RP1: variants seen among roughly 807,000 people sequenced by gnomAD.
RP1 encodes oxygen-regulated protein 1.
In RP1, 16 loss-of-function variants were observed where a neutral mutation model predicts 14.8. The observed-to-expected ratio is 1.08, with a 90% confidence interval of 0.73 to 1.65. RP1 has a LOEUF of 1.65. Among genes scored for constraint, RP1 ranks in the 40% most tolerant of loss-of-function variants. RP1 has a pLI of 0.00. For missense variants in RP1, 2,631 were observed against 2,535.0 expected (o/e 1.04, Z -0.81); for synonymous variants, 876 against 883.6 (o/e 0.99, Z 0.15).
intron 1 of RP1, among the ~76,000 whole-genome samples, chr8:54,567,163 T>C (rs1804427198): frequency 6.6e-6 from 1 of 152,218 alleles, no homozygotes; most frequent in Non-Finnish European, 1.5e-5. Flanking sequence ...AGAAAACTTT[T>C]AAAAGAAAAA....
At chr8:54,807,245 G>C (rs1290478251) in intron 24 of RP1, among the ~76,000 whole-genome samples, 2 of 152,198 alleles carry the variant, frequency 1.3e-5, no homozygotes, top group East Asian at 3.8e-4. Flanking sequence ...TTGAACTAGA[G>C]ACTGAAGTAG....
chr8:54,761,210 CCAT>C (rs1476468285), intron 22 of RP1, among the ~76,000 whole-genome samples: 1 of 150,566 alleles, frequency 6.6e-6, no homozygotes, highest in Non-Finnish European at 1.5e-5. Context: ...ACATCGTCAC[CCAT>C]CATTTCTTGC....
intron 22 of RP1, among the ~76,000 whole-genome samples, chr8:54,760,852 T>C (rs1000691006): frequency 6.6e-6 from 1 of 152,206 alleles, no homozygotes; most frequent in African/African-American, 2.4e-5. Context: ...TAGTATGACT[T>C]AATTGGCCAA....
chr8:54,786,095 T>C (rs1810311782), intron 24 of RP1, among the ~76,000 whole-genome samples: 1 of 152,098 alleles, frequency 6.6e-6, no homozygotes, highest in South Asian at 2.1e-4. Flanking sequence ...ACCTTTTAAC[T>C]TCCTTGCTGG....
At chr8:54,637,600 G>A (rs1806376624) in intron 3 of RP1, among the ~76,000 whole-genome samples, 1 of 151,738 alleles carries the variant, frequency 6.6e-6, no homozygotes, top group Non-Finnish European at 1.5e-5. Context: ...GTTTATTTCT[G>A]TATTTAGAGA....
intron 24 of RP1, among the ~76,000 whole-genome samples, chr8:54,833,478 A>G (rs1660308731): frequency 6.6e-6 from 1 of 151,998 alleles, no homozygotes; most frequent in African/African-American, 2.4e-5. Flanking sequence ...AAAAGTGGAA[A>G]CTACATGAAG....
In RP1 at chr8:54,625,747, C is replaced by T; in HGVS notation, c.1865C>T (p.Thr622Ile). 2 of 1,613,848 alleles carry T rather than the reference C, an allele frequency of 1.2e-6. No homozygotes were observed. The highest frequency in any genetic ancestry group is 1.7e-4 in the Middle Eastern group (1 of 6,060). ...CATTTTTCAAGTAATAACTCTGGAA[C>T]TGACAAAAATATTTCTGAGGCTCCA... ...ATHFSSNNSGTDKNISEAPAS... is the reference protein window; with the variant it reads ...ATHFSSNNSGIDKNISEAPAS... The change falls in exon 4 of 4, where the codon ACT becomes ATT. Residue 622 changes from threonine (T) to isoleucine (I), a missense_variant. Thr to Ile is a moderately conservative substitution (Grantham distance 89). Coordinates refer to ENST00000220676, the MANE Select transcript of RP1 (RefSeq NM_006269.2).
At chr8:54,781,142 T>A (rs1033881047) in intron 23 of RP1, 2 of 523,474 alleles carry the variant, frequency 3.8e-6, no homozygotes, top group South Asian at 1.7e-4. Flanking sequence ...ATTGCTATAG[T>A]ATCTCCCCCA....
At chr8:54,726,342 C>T (rs1808653291) in intron 16 of RP1, 6 of 1,517,402 alleles carry the variant, frequency 4.0e-6, no homozygotes, top group Non-Finnish European at 5.3e-6. Context: ...ATCTTAATTT[C>T]AGTTGGCAGA....
At chr8:54,869,673 G>A (rs575537591) in intron 28 of RP1, among the ~76,000 whole-genome samples, 43 of 152,262 alleles carry the variant, frequency 2.8e-4, no homozygotes, top group African/African-American at 9.6e-4. Flanking sequence ...TGCCGAAGCT[G>A]GACTGCTAAA....
chr8:54,688,034 G>C (rs1168548606), intron 12 of RP1, among the ~76,000 whole-genome samples: 2 of 152,162 alleles, frequency 1.3e-5, no homozygotes, highest in Non-Finnish European at 2.9e-5. Flanking sequence ...TCTCATTGTG[G>C]TTTTGATTTG....
chr8:54,713,297 A>G (rs543165297), intron 15 of RP1, among the ~76,000 whole-genome samples: 1 of 152,370 alleles, frequency 6.6e-6, no homozygotes, highest in African/African-American at 2.4e-5. Flanking sequence ...AATTCAGGTT[A>G]GTAACAAACA....
intron 24 of RP1, among the ~76,000 whole-genome samples, chr8:54,825,957 A>T (rs1563388242): frequency 6.6e-6 from 1 of 152,034 alleles, no homozygotes; most frequent in Non-Finnish European, 1.5e-5. Flanking sequence ...AGTCCTCGTT[A>T]CTTGGGAGGC....
rs1043235694 is a variant in RP1, at chr8:54,627,199, T to A, written c.3317T>A (p.Val1106Asp). Residue 1106 changes from valine (V) to aspartate (D), a missense_variant, in exon 4 of 4, where the codon GTT becomes GAT. Val to Asp is a radical substitution (Grantham distance 152, BLOSUM62 -3). Transcript: ENST00000220676. Reference sequence around the variant, plus strand: ...ATTCACAAGACTCAGAATGGAGTTGTTCAAATGCCAGGTTCACTTGCAGGT... The same window carrying A: ...ATTCACAAGACTCAGAATGGAGTTGATCAAATGCCAGGTTCACTTGCAGGT... ...PGIHKTQNGV[V>D]QMPGSLAGVP... The A allele has an allele frequency of 5.6e-6, 9 of 1,614,076 alleles. No homozygotes were observed. Among genetic ancestry groups the A allele is most frequent in the Non-Finnish European group, 7.6e-6 (9 of 1,179,988 alleles).
At chr8:54,611,466 A>G (rs1049383486), upstream of RP1, among the ~76,000 whole-genome samples, 3 of 151,964 alleles carry the variant, frequency 2.0e-5, no homozygotes, top group African/African-American at 7.2e-5. Flanking sequence ...TTGCTGCTCA[A>G]ATTTGTTTTT....
intron 12 of RP1, chr8:54,696,402 C>T (rs1049349208): frequency 4.3e-5 from 29 of 671,952 alleles, no homozygotes; most frequent in Middle Eastern, 8.8e-4. Flanking sequence ...AGAAAGATGG[C>T]GGAGCAAGAG....
chr8:54,596,496 A>G (rs1349302742), intron 1 of RP1, among the ~76,000 whole-genome samples: 1 of 152,214 alleles, frequency 6.6e-6, no homozygotes, highest in Non-Finnish European at 1.5e-5. Flanking sequence ...TTTCCAATAT[A>G]AGATTAATAA....
intron 6 of RP1, chr8:54,663,575 G>T (rs373690539): frequency 5.9e-6 from 5 of 853,942 alleles, no homozygotes; most frequent in African/African-American, 3.5e-5. Flanking sequence ...TACTGCCTGT[G>T]GTTTCTGGCA....
In RP1 at chr8:54,625,409, ATCAGTATCT is replaced by A. The variant is rs761752248; in HGVS notation, c.1528_1536del (p.Ser510_Ser512del). 2 of 1,614,058 alleles carry A rather than the reference ATCAGTATCT, an allele frequency of 1.2e-6. No homozygotes were observed. Among genetic ancestry groups the A allele is most frequent in the South Asian group, 2.2e-5 (2 of 91,074 alleles). ...TTACACATTCTTGCAGTAAAATGTC[ATCAGTATCT>A]AACAAACCAGTACTTGTTCAGATCA... On this transcript the variant is annotated inframe_deletion, in exon 4 of 4. Coordinates refer to ENST00000220676, the MANE Select transcript of RP1 (RefSeq NM_006269.2).
Sources: allele counts gnomAD v4.1 joint callset (sites outside exome capture counted in the v4.1 genomes callset), GRCh38; gene constraint gnomAD v4.1.1; transcripts MANE v1.5; gene names NCBI Gene and HGNC (gene_info 2026-07-23, HGNC 2026-07-21).